RBM47: variants seen among roughly 807,000 people sequenced by gnomAD.
The protein encoded by RBM47 is RNA binding motif protein 47, also known as RNA-binding protein 47.
A neutral mutation model predicts 47.1 loss-of-function variants in RBM47; 21 were observed. That is an observed-to-expected ratio of 0.45 (90% CI 0.32 to 0.64). The LOEUF is 0.64. Among genes scored for constraint, RBM47 ranks in the 30% least tolerant of loss-of-function variants. RBM47 has a pLI of 0.05. For missense variants in RBM47, 708 were observed against 870.9 expected, an observed-to-expected ratio of 0.81 and a Z score of 2.35; for synonymous variants, 375 against 361.7, an observed-to-expected ratio of 1.04 and a Z score of -0.42.
intron 1 of RBM47, among the ~76,000 whole-genome samples, chr4:40,623,913 G>C (rs1405208377): frequency 6.6e-6 from 1 of 151,890 alleles, no homozygotes; most frequent in Non-Finnish European, 1.5e-5. Flanking sequence ...GTGCAGTGAC[G>C]CAATCTCGGC....
chr4:40,474,687 C>A (rs1352491681), intron 2 of RBM47, among the ~76,000 whole-genome samples: 2 of 152,126 alleles, frequency 1.3e-5, no homozygotes, highest in Admixed American at 1.3e-4. Context: ...AACATATTAC[C>A]TAATCTCTGT....
At chr4:40,442,729 G>A (rs1052728928) in intron 3 of RBM47, among the ~76,000 whole-genome samples, 16 of 151,800 alleles carry the variant, frequency 1.1e-4, no homozygotes, top group African/African-American at 2.2e-4. Flanking sequence ...CCAGGCTGGC[G>A]TGCAGTGGTG....
chr4:40,485,122 TA>T (rs746057945), intron 2 of RBM47, among the ~76,000 whole-genome samples: 7 of 152,222 alleles, frequency 4.6e-5, no homozygotes, highest in Non-Finnish European at 8.8e-5. Context: ...ATACCCAAGG[TA>T]TTTGCTCTCA....
chr4:40,623,501 A>C (rs1737452558), intron 1 of RBM47, among the ~76,000 whole-genome samples: 1 of 151,826 alleles, frequency 6.6e-6, no homozygotes, highest in Non-Finnish European at 1.5e-5. Flanking sequence ...TTCTTGGTTG[A>C]CCCTCCGTAT....
chr4:40,540,834 T>C (rs1273359615), intron 2 of RBM47, among the ~76,000 whole-genome samples: 2 of 151,474 alleles, frequency 1.3e-5, no homozygotes, highest in Non-Finnish European at 2.9e-5. Context: ...ATTCATTATT[T>C]ACATTTTGCC....
intron 1 of RBM47, among the ~76,000 whole-genome samples, chr4:40,585,076 C>G (rs180684121): frequency 2.6e-5 from 4 of 152,324 alleles, no homozygotes; most frequent in Non-Finnish European, 5.9e-5. Context: ...CTTTGCTTTT[C>G]TAACAGGTTT....
chr4:40,565,903 T>C (rs1436892002), intron 1 of RBM47, among the ~76,000 whole-genome samples: 3 of 151,688 alleles, frequency 2.0e-5, no homozygotes, highest in Non-Finnish European at 2.9e-5. Flanking sequence ...ACCCTGTCTC[T>C]ACAAAAAATA....
chr4:40,590,823 G>A (rs1435386979), intron 1 of RBM47, among the ~76,000 whole-genome samples: 2 of 152,200 alleles, frequency 1.3e-5, no homozygotes, highest in Non-Finnish European at 2.9e-5. Context: ...TTTCTTTTGA[G>A]ATGGAGTCTC....
Position 40,616,353 on chromosome 4 carries a change from C to CA in RBM47, c.-240+13042dup, listed in dbSNP as rs371710118. On this transcript the variant is annotated intron_variant, in intron 1 of 6. Transcript: ENST00000295971. ...TGGGCGACAGAGCGAGACTCTGTCT[C>CA]AAAAAAAAAAAAAAGAAAAAAAAAA... Among the ~76,000 whole-genome samples, 156 of 65,304 alleles carry CA rather than the reference C, an allele frequency of 2.4e-3. 1 individual carries two copies. The highest frequency in any genetic ancestry group is 3.8e-3 in the African/African-American group (61 of 16,026). The allele number at this position is 65,304 out of a possible 152,430, so 42.8% of individuals were successfully genotyped here.
chr4:40,627,116 C>G (rs2045290670), intron 1 of RBM47, among the ~76,000 whole-genome samples: 2 of 152,126 alleles, frequency 1.3e-5, no homozygotes, highest in South Asian at 4.1e-4. Context: ...AGAGACTGTT[C>G]CCAAGAGGGA....
intron 5 of RBM47, among the ~76,000 whole-genome samples, chr4:40,435,319 C>A (rs149307934): frequency 6.6e-6 from 1 of 152,224 alleles, no homozygotes; most frequent in Non-Finnish European, 1.5e-5. Context: ...GAGGCTCAGG[C>A]GGGTGGCTCA....
chr4:40,583,127 C>T lies in RBM47; in HGVS notation c.-239-38621G>A, dbSNP rs574462428. On this transcript the variant is annotated intron_variant, in intron 1 of 6. Transcript: ENST00000295971. ...AAGAACAAGAAAGAGCAAAGGGAGA[C>T]AAAAGCAAGGTCAGGCCGGCCAAGC... Among the ~76,000 whole-genome samples, 6 of 152,076 alleles carry T rather than the reference C, an allele frequency of 3.9e-5. No individual in the cohort carries two copies. The East Asian group carries it at 1.2e-3, about 29-fold the overall frequency.
At chr4:40,618,533 G>A (rs1434476501) in intron 1 of RBM47, among the ~76,000 whole-genome samples, 1 of 152,092 alleles carries the variant, frequency 6.6e-6, no homozygotes, top group Non-Finnish European at 1.5e-5. Context: ...ACTTCTAGCT[G>A]GGGGTAGTGG....
At chr4:40,522,843 GCTTA>G (rs528404576) in intron 2 of RBM47, among the ~76,000 whole-genome samples, 1 of 151,646 alleles carries the variant, frequency 6.6e-6, no homozygotes, top group Non-Finnish European at 1.5e-5. Context: ...TAAAAAATGA[GCTTA>G]CTATTATTCT....
intron 2 of RBM47, among the ~76,000 whole-genome samples, chr4:40,471,490 G>A (rs574646911): frequency 7.9e-5 from 12 of 152,216 alleles, no homozygotes; most frequent in Admixed American, 2.6e-4. Flanking sequence ...CTGAGGTCAG[G>A]AGTTCGAGAC....
chr4:40,578,982 G>A (rs1303044380), intron 1 of RBM47, among the ~76,000 whole-genome samples: 1 of 152,106 alleles, frequency 6.6e-6, no homozygotes, highest in East Asian at 1.9e-4. Context: ...AGCCAGACAT[G>A]GTGGCGTGCA....
chr4:40,470,757 T>C (rs999105214), intron 2 of RBM47, among the ~76,000 whole-genome samples: 1 of 152,216 alleles, frequency 6.6e-6, no homozygotes, highest in Non-Finnish European at 1.5e-5. Flanking sequence ...CTTTATTTTT[T>C]TAAGAGGCAG....
chr4:40,429,396 T>C (rs278979), intron 6 of RBM47, among the ~76,000 whole-genome samples: 39,734 of 151,592 alleles, frequency 0.26, 8,354 homozygotes, highest in African/African-American at 0.55. Flanking sequence ...GAAAAAAAAA[T>C]TCGTTCATAG....
At chr4:40,619,767 G>GTA (rs1737082485) in intron 1 of RBM47, among the ~76,000 whole-genome samples, 1 of 152,084 alleles carries the variant, frequency 6.6e-6, no homozygotes, top group Non-Finnish European at 1.5e-5. Context: ...TAGTACCTGT[G>GTA]GGTTCCTGGT....
Sources: allele counts gnomAD v4.1 joint callset (sites outside exome capture counted in the v4.1 genomes callset), GRCh38; gene constraint gnomAD v4.1.1; transcripts MANE v1.5; gene names NCBI Gene and HGNC (gene_info 2026-07-23, HGNC 2026-07-21).